FAM162A: variants seen among roughly 807,000 people sequenced by gnomAD.
The protein encoded by FAM162A is protein FAM162A.
Under a neutral mutation model 21.8 loss-of-function variants are expected in FAM162A, and 23 were observed. The observed-to-expected ratio is 1.05, with a 90% confidence interval of 0.76 to 1.49. The LOEUF (loss-of-function observed/expected upper bound fraction) is 1.49, where lower values mean the gene tolerates loss of function less well. FAM162A is among the 40% of genes most tolerant of loss of function. The pLI is 0.00. For synonymous variants in FAM162A, 53 were observed against 61.3 expected (o/e 0.86, Z 0.64); for missense variants, 165 against 186.4 (o/e 0.89, Z 0.67).
In FAM162A at chr3:122,411,012, T is replaced by C. The variant is rs1246370568; in HGVS notation, c.*1181T>C. On this transcript the variant is annotated 3_prime_UTR_variant, in exon 5 of 5. Coordinates refer to ENST00000477892, the MANE Select transcript of FAM162A (RefSeq NM_014367.4). ...CTAATTTATAAAATAAACGGTATCA[T>C]AGGTATGTATGTATACGAAAAACAT... The C allele has an allele frequency of 6.6e-6, 1 of 152,224 alleles. No homozygotes were observed. Among genetic ancestry groups the C allele is most frequent in the Non-Finnish European group, 1.5e-5 (1 of 68,040 alleles). 9.4% of individuals were successfully genotyped at this position (152,224 alleles called of 1,614,324 possible).
intron 1 of FAM162A, among the ~76,000 whole-genome samples, chr3:122,399,092 C>T (rs2075642015): frequency 6.6e-6 from 1 of 152,130 alleles, no homozygotes; most frequent in Non-Finnish European, 1.5e-5. Context: ...CCACCCACAA[C>T]CCTCAGGTAG....
chr3:122,400,964 T>C (rs1252073831), intron 1 of FAM162A, among the ~76,000 whole-genome samples: 1 of 152,224 alleles, frequency 6.6e-6, no homozygotes, highest in South Asian at 2.1e-4. Flanking sequence ...AAATACATCT[T>C]ATATCTTAAT....
In FAM162A at chr3:122,402,791, T is replaced by C; in HGVS notation, c.66T>C (p.Val22=). ...GSCFRLCERD[V]SSSLRLTRSS... The stretch of plus-strand genomic sequence containing the variant: ...GTTTTAGGTTATGTGAAAGAGATGT[T>C]TCCTCATCTCTAAGGCTTACCAGAA... Residue 22 remains valine, a synonymous_variant, in exon 2 of 5, where the codon GTT becomes GTC. Transcript: ENST00000477892. 6.3e-7 allele frequency: 1 copy of C among 1,582,808 alleles called. No homozygotes were observed. Among genetic ancestry groups the C allele is most frequent in the South Asian group, 1.2e-5 (1 of 83,336 alleles).
chr3:122,409,079 A>G (rs17266628), intron 4 of FAM162A, among the ~76,000 whole-genome samples: 29,499 of 150,920 alleles, frequency 0.2, 3,078 homozygotes, highest in Middle Eastern at 0.3. Flanking sequence ...AGAAGGAAAT[A>G]TCAGCTTAGG....
chr3:122,386,529 A>G (rs938350431), intron 1 of FAM162A, among the ~76,000 whole-genome samples: 62 of 151,420 alleles, frequency 4.1e-4, no homozygotes, highest in African/African-American at 1.4e-3. Context: ...CCACATTCCA[A>G]TCTGGACAAC....
chr3:122,391,222 T>A (rs1005618254), intron 1 of FAM162A, among the ~76,000 whole-genome samples: 38 of 152,366 alleles, frequency 2.5e-4, no homozygotes, highest in African/African-American at 9.1e-4. Flanking sequence ...AGAGAAGGTC[T>A]GGCATTATCG....
chr3:122,404,418 A>G (rs1418704747), intron 3 of FAM162A, 55 bp downstream of exon 3: 29 of 902,092 alleles, frequency 3.2e-5, no homozygotes, highest in Non-Finnish European at 5.0e-5. Context: ...GATCTAAGGG[A>G]AAAGCAATGC....
At chr3:122,408,649 T>C (rs2075687859) in intron 4 of FAM162A, among the ~76,000 whole-genome samples, 1 of 152,208 alleles carries the variant, frequency 6.6e-6, no homozygotes, top group South Asian at 2.1e-4. Context: ...TCTCCCTCTT[T>C]GACCTCTCAT....
At chr3:122,386,060 G>A (rs2075572929) in intron 1 of FAM162A, among the ~76,000 whole-genome samples, 1 of 152,114 alleles carries the variant, frequency 6.6e-6, no homozygotes, top group Admixed American at 6.5e-5. Context: ...GCTTTTTGCT[G>A]TTGTTCAAGC....
intron 1 of FAM162A, among the ~76,000 whole-genome samples, chr3:122,400,365 C>T (rs1333948612): frequency 6.6e-6 from 1 of 151,032 alleles, no homozygotes; most frequent in Non-Finnish European, 1.5e-5. Flanking sequence ...GCACCAGGGC[C>T]TGTCAGGGGG....
chr3:122,400,580 T>G (rs2075648218), intron 1 of FAM162A, among the ~76,000 whole-genome samples: 1 of 152,008 alleles, frequency 6.6e-6, no homozygotes, highest in African/African-American at 2.4e-5. Context: ...ATCCCAGCAC[T>G]TTGGGAGGCC....
chr3:122,411,260 C>T lies in FAM162A; in HGVS notation c.*1429C>T, dbSNP rs2075703848. ...AACATACTACCTATAGCTTGATAAT[C>T]TATCTGAGGATGTTTATGATGTCTG... On this transcript the variant is annotated 3_prime_UTR_variant, in exon 5 of 5. Transcript: ENST00000477892. The T allele has an allele frequency of 6.6e-6, 1 of 152,210 alleles. No homozygotes were observed. The highest frequency in any genetic ancestry group is 1.5e-5 in the Non-Finnish European group (1 of 68,040). 9.4% of individuals were successfully genotyped at this position (152,210 alleles called of 1,614,324 possible). A position where few individuals can be genotyped will look rare whatever the true frequency, so the allele number is the denominator to read the frequency against.
intron 1 of FAM162A, among the ~76,000 whole-genome samples, chr3:122,392,798 C>T (rs2075609951): frequency 1.3e-5 from 2 of 152,104 alleles, no homozygotes; most frequent in South Asian, 2.1e-4. Flanking sequence ...CCCATGGCCT[C>T]ATAACTGCAT....
intron 3 of FAM162A, among the ~76,000 whole-genome samples, chr3:122,406,541 A>G (rs1418216320): frequency 6.6e-6 from 1 of 152,324 alleles, no homozygotes; most frequent in South Asian, 2.1e-4. Context: ...TTTAAGGCAC[A>G]TGGGTCTGTA....
In FAM162A at chr3:122,410,476, T is replaced by C. The variant is rs904645667; in HGVS notation, c.*645T>C. The C allele has an allele frequency of 2.0e-5, 3 of 152,796 alleles. No homozygotes were observed. The highest frequency in any genetic ancestry group is 3.4e-3 in the Middle Eastern group (1 of 294). 9.5% of individuals were successfully genotyped at this position (152,796 alleles called of 1,614,324 possible). ...TCATGCCTTAGAATTCTCAACTGGC[T>C]GTTTTCTTACCACCTGAGAAACTAA... On this transcript the variant is annotated 3_prime_UTR_variant, in exon 5 of 5. Coordinates refer to ENST00000477892, the MANE Select transcript of FAM162A (RefSeq NM_014367.4).
At position 122,410,200 on chromosome 3, in the gene FAM162A, C is replaced by T. The variant is rs1321465325; in HGVS notation, c.*369C>T. On this transcript the variant is annotated 3_prime_UTR_variant, in exon 5 of 5. Transcript: ENST00000477892. ...TAAGGAAGGCCAGTTGAGTATATGGCCCAGGTGCAGCTTGGAGGGCCAGCC... is the reference window on the plus strand; with the variant it reads ...TAAGGAAGGCCAGTTGAGTATATGGTCCAGGTGCAGCTTGGAGGGCCAGCC... The T allele has an allele frequency of 3.0e-6, 1 of 337,090 alleles. No individual in the cohort carries two copies. Among genetic ancestry groups the T allele is most frequent in the Non-Finnish European group, 5.7e-6 (1 of 174,100 alleles). 20.9% of individuals were successfully genotyped at this position (337,090 alleles called of 1,614,324 possible).
At position 122,404,672 on chromosome 3, in the gene FAM162A, A is replaced by G. The variant is rs551635096; in HGVS notation, c.263+309A>G. Among the ~76,000 whole-genome samples the G allele has an allele frequency of 4.6e-5, 7 of 152,318 alleles. No homozygotes were observed. In the East Asian group the frequency reaches 1.2e-3, roughly 25 times the overall value. ...TTTAAAGTTTGTTTTTAATCTAGGTATATAAATTAAGTACCATTGACAATG... is the reference window on the plus strand; with the variant it reads ...TTTAAAGTTTGTTTTTAATCTAGGTGTATAAATTAAGTACCATTGACAATG... On this transcript the variant is annotated intron_variant, in intron 3 of 4. Coordinates refer to ENST00000477892, the MANE Select transcript of FAM162A (RefSeq NM_014367.4).
chr3:122,406,073 C>G (rs1309065109), intron 3 of FAM162A, among the ~76,000 whole-genome samples: 1 of 152,168 alleles, frequency 6.6e-6, no homozygotes, highest in Non-Finnish European at 1.5e-5. Context: ...TCCTTCCAAG[C>G]ATTTTTAAAG....
At chr3:122,404,447 T>C (rs2075668232) in intron 3 of FAM162A, 84 bp downstream of exon 3, 3 of 652,942 alleles carry the variant, frequency 4.6e-6, no homozygotes, top group Non-Finnish European at 7.7e-6. Flanking sequence ...TCCAACTGTT[T>C]AAAACTTTTC....
Sources: gnomAD v4.1 joint callset for allele counts (sites outside exome capture counted in the v4.1 genomes callset) on GRCh38, gnomAD v4.1.1 for gene constraint, MANE v1.5 for transcripts, NCBI Gene and HGNC (gene_info 2026-07-23, HGNC 2026-07-21) for gene names.